Variants in EPCAM observed in about 807,000 individuals in gnomAD.
The protein encoded by EPCAM is adenocarcinoma-associated antigen.
In EPCAM, 39 loss-of-function variants were observed where a neutral mutation model predicts 40.0. The ratio of observed to expected loss-of-function variants is 0.98; its 90% CI spans 0.76 to 1.27. EPCAM has a LOEUF of 1.27. Ranked by LOEUF, EPCAM falls within the 50% of genes most tolerant of loss-of-function variation. The pLI is 0.00. For synonymous variants in EPCAM, 168 were observed against 132.3 expected (o/e 1.27, Z -1.85); for missense variants, 503 against 381.2 (o/e 1.32, Z -2.66).
At chr2:47,376,821 G>C (rs536671293) in intron 4 of EPCAM, among the ~76,000 whole-genome samples, 193 bp from the exon 5 acceptor site, 1 of 152,048 alleles carries the variant, frequency 6.6e-6, no homozygotes, top group Non-Finnish European at 1.5e-5. Flanking sequence ...AATTAAACTG[G>C]TACCCAGCAG....
chr2:47,384,938 C>G (rs1459785351), intron 7 of EPCAM, among the ~76,000 whole-genome samples: 1 of 152,050 alleles, frequency 6.6e-6, no homozygotes, highest in Admixed American at 6.6e-5. Context: ...AACTCCTGAC[C>G]TCAGATGATC....
chr2:47,380,737 G>A (rs1170226063), intron 7 of EPCAM, among the ~76,000 whole-genome samples: 3 of 152,216 alleles, frequency 2.0e-5, no homozygotes, highest in African/African-American at 7.2e-5. Context: ...AGAATGTATT[G>A]CTTGAAGAAG....
intron 7 of EPCAM, among the ~76,000 whole-genome samples, chr2:47,381,247 T>G (rs867154349): frequency 6.7e-6 from 1 of 150,058 alleles, no homozygotes; most frequent in Non-Finnish European, 1.5e-5. Context: ...AAATACAAAA[T>G]TATCCGGGCA....
chr2:47,383,575 T>C (rs895013706), intron 7 of EPCAM, among the ~76,000 whole-genome samples: 10 of 141,342 alleles, frequency 7.1e-5, no homozygotes, highest in Non-Finnish European at 1.5e-4. Flanking sequence ...AGTGCTAGGA[T>C]TACAGGCATG....
intron 8 of EPCAM, 22 bp downstream of exon 8, chr2:47,385,232 A>G (rs1437111762): frequency 1.9e-6 from 3 of 1,596,336 alleles, no homozygotes; most frequent in East Asian, 2.2e-5. Context: ...ACTTACCTAA[A>G]TAGAAAGGCC....
At position 47,373,921 on chromosome 2, in the gene EPCAM, G is replaced by A. The variant is rs149274310; in HGVS notation, c.298G>A (p.Asp100Asn). 87 of 1,614,096 alleles carry A rather than the reference G, an allele frequency of 5.4e-5. No homozygotes were observed. In the East Asian group the frequency reaches 1.4e-3, roughly 25 times the overall value. The change falls in exon 3 of 9, where the codon GAT (aspartate) becomes AAT (asparagine). Residue 100 changes from aspartate (D) to asparagine (N), a missense_variant. By Grantham distance (23) the Asp-to-Asn change is conservative. Transcript: ENST00000263735. The part of the protein sequence containing the change: ...NNDGLYDPDC[D>N]ESGLFKAKQC... ...TGATGGGCTTTATGATCCTGACTGC[G>A]ATGAGAGCGGGCTCTTTAAGGCCAA...
Position 47,369,401 on chromosome 2 carries a change from C to T in EPCAM, c.-105C>T. 2 of 1,227,086 alleles carry T rather than the reference C, an allele frequency of 1.6e-6. No homozygotes were observed. The highest frequency in any genetic ancestry group is 1.9e-5 in the South Asian group (1 of 52,882). 76.0% of individuals were successfully genotyped at this position (1,227,086 alleles called of 1,614,324 possible). On this transcript the variant is annotated 5_prime_UTR_variant, in exon 1 of 9. Coordinates refer to ENST00000263735, the MANE Select transcript of EPCAM (RefSeq NM_002354.3). ...CCTCCCGACGCGGACCCGCGTGCCCCAGGCCTCGCGCTGCCCGGCCGGCTC... is the reference window on the plus strand; with the variant it reads ...CCTCCCGACGCGGACCCGCGTGCCCTAGGCCTCGCGCTGCCCGGCCGGCTC...
chr2:47,377,883 G>T, intron 5 of EPCAM: 1 of 372,874 alleles, frequency 2.7e-6, no homozygotes, highest in South Asian at 1.9e-5. Context: ...CTCTTTAAAG[G>T]TAGTATGAAT....
chr2:47,370,692 C>A (rs1671238064), intron 1 of EPCAM, among the ~76,000 whole-genome samples: 1 of 152,002 alleles, frequency 6.6e-6, no homozygotes, highest in African/African-American at 2.4e-5. Flanking sequence ...TCTGCGTCAG[C>A]CTTTATGCCT....
intron 7 of EPCAM, among the ~76,000 whole-genome samples, chr2:47,384,536 C>A (rs182791038): frequency 1.2e-4 from 18 of 151,816 alleles, no homozygotes; most frequent in African/African-American, 4.1e-4. Context: ...GCTTCAGTCT[C>A]CCAAGTAGCT....
chr2:47,380,707 T>A (rs937776294), intron 7 of EPCAM, among the ~76,000 whole-genome samples: 4 of 152,230 alleles, frequency 2.6e-5, no homozygotes, highest in Non-Finnish European at 5.9e-5. Flanking sequence ...GCAAATTGAA[T>A]TTAACAGTGC....
intron 8 of EPCAM, among the ~76,000 whole-genome samples, chr2:47,385,902 C>T (rs1671733257): frequency 6.6e-6 from 1 of 152,132 alleles, no homozygotes; most frequent in African/African-American, 2.4e-5. Context: ...GACCGCAAGT[C>T]TAGAAGACTA....
rs1041386144 is a variant in EPCAM, at chr2:47,369,451, C to A, written c.-55C>A. The A allele has an allele frequency of 2.2e-6, 3 of 1,354,292 alleles. No homozygotes were observed. Among genetic ancestry groups the A allele is most frequent in the Non-Finnish European group, 2.8e-6 (3 of 1,059,416 alleles). 83.9% of individuals were successfully genotyped at this position (1,354,292 alleles called of 1,614,324 possible). Reference sequence around the variant, plus strand: ...CCTCGTGTCCCACTCCCGGCGCACGCCCTCCCGCGAGTCCCGGGCCCCTCC... The same window carrying A: ...CCTCGTGTCCCACTCCCGGCGCACGACCTCCCGCGAGTCCCGGGCCCCTCC... On this transcript the variant is annotated 5_prime_UTR_variant, in exon 1 of 9. Transcript: ENST00000263735.
At chr2:47,384,420 A>T (rs1416107843) in intron 7 of EPCAM, among the ~76,000 whole-genome samples, 2 of 131,916 alleles carry the variant, frequency 1.5e-5, no homozygotes, top group African/African-American at 5.8e-5. Context: ...ATTTTATTTT[A>T]ATTTTTTTTT....
At chr2:47,377,791 T>C (rs1459498517) in intron 5 of EPCAM, 5 of 464,618 alleles carry the variant, frequency 1.1e-5, no homozygotes, top group Non-Finnish European at 2.2e-5. Context: ...TTTAAGGAAC[T>C]AGTCCTTAAC....
intron 5 of EPCAM, among the ~76,000 whole-genome samples, chr2:47,377,933 C>G (rs571780795): frequency 6.6e-6 from 1 of 151,980 alleles, no homozygotes; most frequent in Non-Finnish European, 1.5e-5. Flanking sequence ...TTTTTTTACT[C>G]TTTAAAAACA....
chr2:47,373,571 G>A lies in EPCAM; in HGVS notation c.184+1G>A, dbSNP rs866758817. ...CAAAATACTGTCATTTGCTCAAAGC[G>A]TGAGTAAAATATCCTAATTACCTGT... On this transcript the variant is annotated splice_donor_variant, in intron 2 of 8. Coordinates refer to ENST00000263735, the MANE Select transcript of EPCAM (RefSeq NM_002354.3). LOFTEE classifies it high-confidence loss of function. 3.8e-6 allele frequency: 6 copies of A among 1,597,206 alleles called. No individual in the cohort carries two copies. Among genetic ancestry groups the A allele is most frequent in the East Asian group, 2.2e-5 (1 of 44,792 alleles).
At chr2:47,385,261 C>A (rs12620784) in intron 8 of EPCAM, 51 bp downstream of exon 8, 3 of 1,393,658 alleles carry the variant, frequency 2.2e-6, no homozygotes, top group Non-Finnish European at 3.1e-6. Flanking sequence ...TCTCTTACTC[C>A]TAATCACTCT....
In EPCAM at chr2:47,374,051, G is replaced by A. The variant is rs2103748095; in HGVS notation, c.425+3G>A. The A allele has an allele frequency of 6.2e-7, 1 of 1,614,184 alleles. No individual in the cohort carries two copies. The highest frequency in any genetic ancestry group is 8.5e-7 in the Non-Finnish European group (1 of 1,180,036). On this transcript the variant is annotated splice_donor_region_variant and intron_variant, in intron 3 of 8. Transcript: ENST00000263735. ...TGCTCTGAGCGAGTGAGAACCTAGT[G>A]AGTGGGGCTGCCTATACTACTTGTT...
Sources: gnomAD v4.1 joint callset for allele counts (sites outside exome capture counted in the v4.1 genomes callset) on GRCh38, gnomAD v4.1.1 for gene constraint, MANE v1.5 for transcripts, NCBI Gene and HGNC (gene_info 2026-07-23, HGNC 2026-07-21) for gene names.